The following ZNF821 variants were observed in gnomAD, a reference collection of about 807,000 sequenced individuals.
ZNF821 encodes zinc finger protein 821.
ZNF821 carries 16 observed loss-of-function variants against 44.3 expected under a neutral mutation model. The observed-to-expected ratio is 0.36, with a 90% CI of 0.24 to 0.55. The LOEUF is 0.55. Ranked by LOEUF, ZNF821 falls within the 20% of genes least tolerant of loss-of-function variation. The probability of loss-of-function intolerance (pLI) is 0.86; values close to 1 mark genes in which losing one functional copy is unlikely to be tolerated. For synonymous variants in ZNF821, 204 were observed against 197.6 expected, an observed-to-expected ratio of 1.03 and a Z score of -0.27; for missense variants, 436 against 547.6, an observed-to-expected ratio of 0.80 and a Z score of 2.03.
chr16:71,877,308 T>G (rs529265444), intron 3 of ZNF821, among the ~76,000 whole-genome samples: 1 of 152,274 alleles, frequency 6.6e-6, no homozygotes, highest in South Asian at 2.1e-4. Flanking sequence ...GCACCCAGAC[T>G]GGAGTGCAGT....
At chr16:71,886,240 C>T (rs910073820), upstream of ZNF821, among the ~76,000 whole-genome samples, 7 of 152,106 alleles carry the variant, frequency 4.6e-5, no homozygotes, top group Non-Finnish European at 8.8e-5. Flanking sequence ...TTATTAAATA[C>T]GTAATTAGTT....
intron 3 of ZNF821, among the ~76,000 whole-genome samples, chr16:71,870,486 C>CT (rs5817794): frequency 0.43 from 59,335 of 136,540 alleles, 13,884 homozygotes; most frequent in East Asian, 0.91. Context: ...TGGTACTTTC[C>CT]TTTTTTTTTT....
intron 3 of ZNF821, among the ~76,000 whole-genome samples, chr16:71,872,005 A>G (rs940552295): frequency 1.3e-5 from 2 of 151,966 alleles, no homozygotes; most frequent in Non-Finnish European, 2.9e-5. Flanking sequence ...CTAATTTTGT[A>G]TTTTTAGTAG....
intron 6 of ZNF821, 86 bp from the exon 7 acceptor site, chr16:71,862,028 C>T (rs2033954370): frequency 1.3e-6 from 2 of 1,482,126 alleles, no homozygotes; most frequent in South Asian, 2.4e-5. Flanking sequence ...GGGAAATGTC[C>T]CCTTTCTTTA....
At chr16:71,886,714 A>T (rs2036856804), upstream of ZNF821, among the ~76,000 whole-genome samples, 1 of 152,244 alleles carries the variant, frequency 6.6e-6, no homozygotes, top group Non-Finnish European at 1.5e-5. Context: ...TGTACAATTC[A>T]GTGGGTTTTG....
intron 1 of ZNF821, among the ~76,000 whole-genome samples, chr16:71,892,778 C>A (rs2036896449): frequency 3.4e-5 from 5 of 148,282 alleles, no homozygotes; most frequent in Admixed American, 2.0e-4. Flanking sequence ...GTCACCCAGG[C>A]TGGAGTGCAA....
At chr16:71,888,490 A>C (rs1039356341), upstream of ZNF821, among the ~76,000 whole-genome samples, 3 of 152,094 alleles carry the variant, frequency 2.0e-5, no homozygotes, top group Non-Finnish European at 4.4e-5. Flanking sequence ...TTTTGCATGC[A>C]GTTATCCAGT....
chr16:71,863,597 T>C (rs2034182781), intron 6 of ZNF821, among the ~76,000 whole-genome samples: 2 of 152,042 alleles, frequency 1.3e-5, no homozygotes, highest in Admixed American at 1.3e-4. Context: ...CTATGTTGCC[T>C]AGGCTGGTCT....
At chr16:71,865,302 TATAAAA>T (rs1330511934) in intron 4 of ZNF821, among the ~76,000 whole-genome samples, 1 of 152,278 alleles carries the variant, frequency 6.6e-6, no homozygotes, top group African/African-American at 2.4e-5. Context: ...TCTACATGAT[TATAAAA>T]ATAATCTTTC....
rs142760407 is a variant in ZNF821 at position 71,875,161 on chromosome 16, A to G, written c.40+4746T>C. Among the ~76,000 whole-genome samples the G allele has an allele frequency of 5.1e-3, 779 of 152,304 alleles. 5 individuals carry two copies. Among genetic ancestry groups the G allele is most frequent in the African/African-American group, 0.017 (717 of 41,558 alleles). The stretch of plus-strand genomic sequence containing the variant: ...TAATGGCCACCTCCACAGAGCCTGC[A>G]AAGTCCCACCTACTCCACCTCAAAA... On this transcript the variant is annotated intron_variant, in intron 3 of 7. Transcript: ENST00000425432.
chr16:71,869,201 T>A (rs971940721), intron 3 of ZNF821, among the ~76,000 whole-genome samples: 1 of 152,132 alleles, frequency 6.6e-6, no homozygotes, highest in Non-Finnish European at 1.5e-5. Context: ...CAAGAGGGAA[T>A]AATAAAAAGC....
chr16:71,861,072 T>A (rs2033823380), intron 7 of ZNF821, among the ~76,000 whole-genome samples: 1 of 152,122 alleles, frequency 6.6e-6, no homozygotes, highest in Non-Finnish European at 1.5e-5. Flanking sequence ...GTCAGGCTGG[T>A]CTCAAACTCC....
chr16:71,860,302 G>A lies in ZNF821; in HGVS notation c.955C>T (p.Arg319Trp), dbSNP rs1482331740. 1.2e-6 allele frequency: 2 copies of A among 1,613,006 alleles called. No individual in the cohort carries two copies. Among genetic ancestry groups the A allele is most frequent in the African/African-American group, 1.3e-5 (1 of 75,046 alleles). The change falls in exon 8 of 8, where the codon CGG (arginine) becomes TGG (tryptophan). Residue 319 changes from arginine to tryptophan, a missense_variant. Physicochemically the swap from Arg to Trp is moderately radical, Grantham distance 101 (BLOSUM62 -3). Around this residue, in one of 5 missense-constraint regions of ZNF821, gnomAD observed 72 missense variants for 133.3 expected, o/e 0.54. Transcript: ENST00000425432. The surrounding 1 kb of genome is among the most constrained non-coding windows in gnomAD (Gnocchi z 7.3). ...ATGGCCTCCCGATCCCGCTGCAGCCGGCGTGCCCGCTGCTCGTCTGTCTCC... is the reference window on the plus strand; with the variant it reads ...ATGGCCTCCCGATCCCGCTGCAGCCAGCGTGCCCGCTGCTCGTCTGTCTCC... ...MQETDEQRAR[R>W]LQRDREAMRL...
At chr16:71,890,246 TTTC>T (rs922660476) in intron 1 of ZNF821, among the ~76,000 whole-genome samples, 2 of 150,806 alleles carry the variant, frequency 1.3e-5, no homozygotes, top group Non-Finnish European at 2.9e-5. Context: ...TTTTATTGTT[TTTC>T]TTCTTTTTCT....
chr16:71,883,809 C>T (rs1467680716), intron 1 of ZNF821, 99 bp downstream of exon 1: 2 of 152,726 alleles, frequency 1.3e-5, no homozygotes, highest in African/African-American at 4.8e-5. Flanking sequence ...CGGCCCTCTC[C>T]CCAGTGCAGA....
intron 3 of ZNF821, 127 bp downstream of exon 3, chr16:71,879,780 A>C: frequency 1.1e-6 from 1 of 898,530 alleles, no homozygotes; most frequent in Non-Finnish European, 1.7e-6. Context: ...CTGCTCAGCA[A>C]ACTGTGTTTT....
chr16:71,864,312 C>T, intron 5 of ZNF821, 70 bp from the exon 6 acceptor site: 1 of 1,396,688 alleles, frequency 7.2e-7, no homozygotes, highest in Non-Finnish European at 1.0e-6. Context: ...GCTTTTTAAA[C>T]AGGGTATCCT....
chr16:71,884,782 A>G (rs1171293598), upstream of ZNF821: 1 of 150,804 alleles, frequency 6.6e-6, no homozygotes, highest in Non-Finnish European at 1.5e-5. Context: ...TTGGCTGCAG[A>G]CCCAGGGGCA....
chr16:71,890,076 C>G (rs1272754337), intron 1 of ZNF821, among the ~76,000 whole-genome samples: 1 of 152,084 alleles, frequency 6.6e-6, no homozygotes, highest in African/African-American at 2.4e-5. Flanking sequence ...TGTAAAATGC[C>G]ACAAAGATAA....
Sources: gnomAD v4.1 joint callset for allele counts (sites outside exome capture counted in the v4.1 genomes callset) on GRCh38, gnomAD v4.1.1 for gene constraint, gnomAD v4.1.1 regional missense constraint, Gnocchi (gnomAD v3.1) non-coding constraint, MANE v1.5 for transcripts, NCBI Gene and HGNC (gene_info 2026-07-23, HGNC 2026-07-21) for gene names.